The following GABRB3 variants were observed in gnomAD, a reference collection of about 807,000 sequenced individuals.
The protein encoded by GABRB3 is gamma-aminobutyric acid type A receptor subunit beta3.
Under a neutral mutation model 52.1 loss-of-function variants are expected in GABRB3, and 14 were observed. The ratio of observed to expected loss-of-function variants is 0.27; its 90% CI spans 0.18 to 0.42. The LOEUF (loss-of-function observed/expected upper bound fraction) is 0.42, where lower values mean the gene tolerates loss of function less well. Ranked by LOEUF, GABRB3 falls within the 10% of genes least tolerant of loss-of-function variation. The pLI, the probability that GABRB3 is intolerant of heterozygous loss-of-function variation, is 1.00. For synonymous variants in GABRB3, 260 were observed against 232.3 expected (o/e 1.12, Z -1.08); for missense variants, 307 against 609.1 (o/e 0.50, Z 5.22).
chr15:26,710,252 G>GT (rs145171693), intron 3 of GABRB3, among the ~76,000 whole-genome samples: 5,653 of 152,042 alleles, frequency 0.037, 373 homozygotes, highest in African/African-American at 0.13. Context: ...CATATAATTT[G>GT]TTTTTTTGTT....
intron 7 of GABRB3, among the ~76,000 whole-genome samples, chr15:26,566,173 A>G (rs1415578743): frequency 6.6e-6 from 1 of 152,148 alleles, no homozygotes; most frequent in Non-Finnish European, 1.5e-5. Context: ...CCTATTAGAA[A>G]TACATAACAA....
At chr15:26,736,112 G>A (rs1413809771) in intron 3 of GABRB3, among the ~76,000 whole-genome samples, 1 of 152,168 alleles carries the variant, frequency 6.6e-6, no homozygotes, top group African/African-American at 2.4e-5. Flanking sequence ...AATGTACACA[G>A]TTTCAGTTTT....
intron 3 of GABRB3, among the ~76,000 whole-genome samples, chr15:26,722,127 T>C (rs1889657433): frequency 6.6e-6 from 1 of 152,194 alleles, no homozygotes; most frequent in Non-Finnish European, 1.5e-5. Context: ...TTCTTTTCTC[T>C]TTGCTCAGAT....
chr15:26,754,609 C>CT (rs893311320), intron 3 of GABRB3, among the ~76,000 whole-genome samples: 3 of 151,856 alleles, frequency 2.0e-5, no homozygotes, highest in African/African-American at 7.3e-5. Context: ...TGATGTCTGA[C>CT]TTTTTTTTTC....
At chr15:26,602,577 C>G (rs1030211544) in intron 4 of GABRB3, among the ~76,000 whole-genome samples, 2 of 151,926 alleles carry the variant, frequency 1.3e-5, no homozygotes, top group African/African-American at 4.8e-5. Context: ...GTGACCACAA[C>G]AGAATAAAAC....
intron 7 of GABRB3, among the ~76,000 whole-genome samples, chr15:26,564,300 C>G (rs1358909958): frequency 6.6e-6 from 1 of 152,150 alleles, no homozygotes; most frequent in East Asian, 1.9e-4. Context: ...TTGAGGGAGG[C>G]CATCTAATTA....
chr15:26,550,153 G>A (rs1252624732), intron 8 of GABRB3: 2 of 152,144 alleles, frequency 1.3e-5, no homozygotes, highest in Non-Finnish European at 2.9e-5. Context: ...TTCTCCAACA[G>A]GAAGCAGGAG....
intron 3 of GABRB3, among the ~76,000 whole-genome samples, chr15:26,707,619 T>C (rs1280980669): frequency 3.3e-5 from 5 of 152,280 alleles, no homozygotes; most frequent in East Asian, 1.9e-4. Context: ...GTGGAAGGCA[T>C]TGCCACACAG....
chr15:26,557,288 A>G (rs1423619641), intron 8 of GABRB3, among the ~76,000 whole-genome samples: 1 of 152,186 alleles, frequency 6.6e-6, no homozygotes, highest in African/African-American at 2.4e-5. Flanking sequence ...GTGAAGGGTG[A>G]GAGGACGAAG....
At chr15:26,651,587 G>A (rs1887199156) in intron 3 of GABRB3, among the ~76,000 whole-genome samples, 1 of 152,134 alleles carries the variant, frequency 6.6e-6, no homozygotes, top group African/African-American at 2.4e-5. Flanking sequence ...GATCAGAAAG[G>A]GAAATAATTC....
intron 3 of GABRB3, among the ~76,000 whole-genome samples, chr15:26,726,670 G>T (rs553080966): frequency 6.6e-6 from 1 of 152,216 alleles, no homozygotes; most frequent in South Asian, 2.1e-4. Context: ...GTGATGCTGT[G>T]CCCTTCTTGG....
At chr15:26,614,100 G>A (rs917730501) in intron 4 of GABRB3, 1 of 152,236 alleles carries the variant, frequency 6.6e-6, no homozygotes, top group Non-Finnish European at 1.5e-5. Context: ...TAGTGACAGG[G>A]TGCCAAGGTG....
At chr15:26,749,398 C>A (rs1444078985) in intron 3 of GABRB3, among the ~76,000 whole-genome samples, 1 of 152,096 alleles carries the variant, frequency 6.6e-6, no homozygotes, top group Non-Finnish European at 1.5e-5. Context: ...CTGTATAATA[C>A]TAATATTTTA....
Position 26,772,739 on chromosome 15 carries a change from C to T in GABRB3, c.114G>A (p.Lys38=). 6.4e-7 allele frequency: 1 copy of T among 1,573,820 alleles called. No homozygotes were observed. The highest frequency in any genetic ancestry group is 8.6e-7 in the Non-Finnish European group (1 of 1,159,380). ...VNDPGNMSFV[K]ETVDKLLKGY... is the part of the protein sequence containing the mutation. ...CTTTCAACAGCTTGTCCACCGTCTCCTTCACAAAGGACATGTTCCCGGGAT... is the reference window on the plus strand; with the variant it reads ...CTTTCAACAGCTTGTCCACCGTCTCTTTCACAAAGGACATGTTCCCGGGAT... Residue 38 remains lysine (K), a synonymous_variant, in exon 2 of 9, where the codon AAG becomes AAA. Transcript: ENST00000311550.
chr15:26,755,540 T>C (rs189721835), intron 3 of GABRB3, among the ~76,000 whole-genome samples: 2 of 152,322 alleles, frequency 1.3e-5, no homozygotes, highest in Admixed American at 6.5e-5. Flanking sequence ...TATGAGATGA[T>C]GTTGGAATAA....
chr15:26,695,380 G>C (rs1400665976), intron 3 of GABRB3, among the ~76,000 whole-genome samples: 2 of 152,006 alleles, frequency 1.3e-5, no homozygotes, highest in Non-Finnish European at 2.9e-5. Flanking sequence ...GAAAGTCAGA[G>C]GAAAAAGGAT....
At chr15:26,711,662 G>A (rs1338651879) in intron 3 of GABRB3, among the ~76,000 whole-genome samples, 1 of 152,122 alleles carries the variant, frequency 6.6e-6, no homozygotes, top group African/African-American at 2.4e-5. Context: ...GAGTAAGCCC[G>A]AAAATGTGGG....
intron 3 of GABRB3, among the ~76,000 whole-genome samples, chr15:26,641,615 A>G (rs777828100): frequency 6.6e-6 from 1 of 152,224 alleles, no homozygotes; most frequent in Non-Finnish European, 1.5e-5. Context: ...GGTAGATCAC[A>G]TCTGCCTCTG....
At chr15:26,620,647 A>G (rs1036775256) in intron 4 of GABRB3, among the ~76,000 whole-genome samples, 2 of 152,190 alleles carry the variant, frequency 1.3e-5, no homozygotes, top group African/African-American at 2.4e-5. Context: ...GGTTTTTAAG[A>G]GCACCATTTA....
Sources: allele counts gnomAD v4.1 joint callset (sites outside exome capture counted in the v4.1 genomes callset), GRCh38; gene constraint gnomAD v4.1.1; transcripts MANE v1.5; gene names NCBI Gene and HGNC (gene_info 2026-07-23, HGNC 2026-07-21).